Variants in TMEM266 observed in about 807,000 individuals in gnomAD.
TMEM266 encodes transmembrane protein 266, also known as Hv1 related protein 1.
In TMEM266, 33 loss-of-function variants were observed where a neutral mutation model predicts 50.5. The ratio of observed to expected loss-of-function variants is 0.65; its 90% CI spans 0.50 to 0.87. The LOEUF (loss-of-function observed/expected upper bound fraction) is 0.87. Among genes scored for constraint, TMEM266 ranks in the 40% least tolerant of loss-of-function variants. The pLI, the probability that TMEM266 is intolerant of heterozygous loss-of-function variation, is 0.00. For missense variants in TMEM266, 655 were observed against 695.1 expected (o/e 0.94, Z 0.65); for synonymous variants, 310 against 292.3 (o/e 1.06, Z -0.62).
chr15:76,171,432 C>T (rs1424184214), intron 7 of TMEM266, among the ~76,000 whole-genome samples: 1 of 152,230 alleles, frequency 6.6e-6, no homozygotes, highest in African/African-American at 2.4e-5. Flanking sequence ...GCCCTTAGAG[C>T]AGGGCCTGCC....
rs557725944 is a variant in TMEM266, at chr15:76,143,552, C to T, written c.227+5657C>T. Among the ~76,000 whole-genome samples the T allele has an allele frequency of 3.9e-5, 6 of 152,306 alleles. No individual in the cohort carries two copies. The South Asian group carries it at 6.2e-4, about 16-fold the overall frequency. On this transcript the variant is annotated intron_variant, in intron 3 of 10. Transcript: ENST00000388942. ...AATTTTTAAAATAGAGACAAGGTCT[C>T]GCCATGTTACCCAAGCTGGTCTTGA...
intron 1 of TMEM266, among the ~76,000 whole-genome samples, chr15:76,118,010 A>G (rs2037276823): frequency 6.6e-6 from 1 of 152,232 alleles, no homozygotes; most frequent in Non-Finnish European, 1.5e-5. Context: ...AGCCACTGGC[A>G]GATACCATTG....
chr15:76,170,526 A>T (rs1027636057), intron 6 of TMEM266, among the ~76,000 whole-genome samples: 18 of 151,592 alleles, frequency 1.2e-4, no homozygotes, highest in African/African-American at 4.1e-4. Context: ...GGCTGGGCCC[A>T]CTTCTCACCT....
intron 1 of TMEM266, among the ~76,000 whole-genome samples, chr15:76,132,810 AG>A (rs2037530791): frequency 8.3e-6 from 1 of 120,062 alleles, no homozygotes; most frequent in East Asian, 2.2e-4. Context: ...TAATAATAAT[AG>A]TAATTATTAT....
Position 76,204,085 on chromosome 15 carries a change from A to G in TMEM266, c.1366A>G (p.Lys456Glu), listed in dbSNP as rs756255064. 1.2e-6 allele frequency: 2 copies of G among 1,612,506 alleles called. No homozygotes were observed. The highest frequency in any genetic ancestry group is 2.2e-5 in the South Asian group (2 of 91,042). ...GTCGGAGGACCCCTGCCCTTCCCAG[A>G]AGGCCTTGGACCCAGCCCCCCTCGC... The change falls in exon 11 of 11, where the codon AAG (lysine) becomes GAG (glutamate). Residue 456 changes from lysine (K) to glutamate (E), a missense_variant. Transcript: ENST00000388942.
At chr15:76,063,521 C>A (rs2036347598) in intron 1 of TMEM266, among the ~76,000 whole-genome samples, 1 of 152,180 alleles carries the variant, frequency 6.6e-6, no homozygotes, top group Non-Finnish European at 1.5e-5. Flanking sequence ...TTCATAGTCC[C>A]TCGCCTCATT....
intron 3 of TMEM266, among the ~76,000 whole-genome samples, chr15:76,146,461 T>C (rs1244275219): frequency 2.0e-5 from 3 of 152,158 alleles, no homozygotes; most frequent in Non-Finnish European, 4.4e-5. Context: ...CAGGGGAAGC[T>C]TGGAGGAAGT....
intron 9 of TMEM266, 64 bp downstream of exon 9, chr15:76,192,221 C>T: frequency 2.2e-6 from 3 of 1,364,448 alleles, no homozygotes; most frequent in South Asian, 1.6e-5. Flanking sequence ...GCCTCCCTCT[C>T]GCGCCCCGGG....
rs115410009 is a variant in TMEM266, at chr15:76,062,837, T to G, written c.-97+2821T>G. ...ACTGGGAAAGTCATATGGGAAACTA[T>G]TAATGCTTAAGCATTATTTGTTTTT... On this transcript the variant is annotated intron_variant, in intron 1 of 10. Coordinates refer to ENST00000388942, the MANE Select transcript of TMEM266 (RefSeq NM_152335.3). Among the ~76,000 whole-genome samples the G allele has an allele frequency of 5.1e-3, 774 of 152,332 alleles. 6 individuals are homozygous for G. Among genetic ancestry groups the G allele is most frequent in the African/African-American group, 0.017 (703 of 41,576 alleles).
chr15:76,158,576 G>T (rs2037963404), intron 4 of TMEM266, among the ~76,000 whole-genome samples: 1 of 152,118 alleles, frequency 6.6e-6, no homozygotes, highest in Admixed American at 6.5e-5. Context: ...GATTGATTTT[G>T]GTCGGAGATC....
intron 5 of TMEM266, among the ~76,000 whole-genome samples, chr15:76,164,206 ACTTT>A (rs1193338995): frequency 6.6e-6 from 1 of 151,840 alleles, no homozygotes; most frequent in African/African-American, 2.4e-5. Context: ...AGCACAGCAC[ACTTT>A]CTTTTTTCTT....
chr15:76,202,593 G>A (rs1183485304), intron 10 of TMEM266, among the ~76,000 whole-genome samples: 1 of 152,168 alleles, frequency 6.6e-6, no homozygotes, highest in African/African-American at 2.4e-5. Flanking sequence ...CACATGTCAA[G>A]GTGGGCACAG....
chr15:76,171,265 G>T, intron 7 of TMEM266, 134 bp downstream of exon 7: 1 of 1,271,962 alleles, frequency 7.9e-7, no homozygotes, highest in Non-Finnish European at 1.1e-6. Context: ...GGCAGGGAGA[G>T]GGGCCAGCTG....
At chr15:76,180,065 T>TAA (rs1368747146) in intron 8 of TMEM266, among the ~76,000 whole-genome samples, 1 of 152,186 alleles carries the variant, frequency 6.6e-6, no homozygotes, top group African/African-American at 2.4e-5. Context: ...CAGCTCTTTT[T>TAA]AAAAAAATAA....
intron 1 of TMEM266, among the ~76,000 whole-genome samples, chr15:76,132,664 G>A (rs905244999): frequency 2.0e-5 from 3 of 151,256 alleles, no homozygotes; most frequent in Admixed American, 1.3e-4. Context: ...AGGTGGTGGC[G>A]CATGCCTGTA....
chr15:76,193,500 C>T (rs879208854), intron 9 of TMEM266, among the ~76,000 whole-genome samples: 2 of 152,200 alleles, frequency 1.3e-5, no homozygotes, highest in Admixed American at 1.3e-4. Flanking sequence ...GGTTTATAGG[C>T]ATGAGCCACT....
intron 1 of TMEM266, among the ~76,000 whole-genome samples, chr15:76,076,462 A>T (rs753509049): frequency 1.3e-5 from 2 of 152,104 alleles, no homozygotes; most frequent in African/African-American, 2.4e-5. Flanking sequence ...ATGCTTAAAT[A>T]TTCACACGGT....
intron 1 of TMEM266, among the ~76,000 whole-genome samples, chr15:76,116,956 G>C (rs1344378600): frequency 6.8e-6 from 1 of 147,536 alleles, no homozygotes; most frequent in Non-Finnish European, 1.5e-5. Flanking sequence ...CTGGAGTGCA[G>C]TGGCATGATC....
At chr15:76,141,330 G>T (rs1191235699) in intron 3 of TMEM266, among the ~76,000 whole-genome samples, 3 of 151,280 alleles carry the variant, frequency 2.0e-5, no homozygotes, top group Non-Finnish European at 2.9e-5. Flanking sequence ...CCGTCTCCCA[G>T]GTTTAAGCGA....
Sources: allele counts gnomAD v4.1 joint callset (sites outside exome capture counted in the v4.1 genomes callset), GRCh38; gene constraint gnomAD v4.1.1; transcripts MANE v1.5; gene names NCBI Gene and HGNC (gene_info 2026-07-23, HGNC 2026-07-21).